CDK16: variants seen among roughly 807,000 people sequenced by gnomAD.
CDK16 encodes cyclin-dependent kinase 16.
Under a neutral mutation model 41.6 loss-of-function variants are expected in CDK16, and 2 were observed. The observed-to-expected ratio is 0.05, with a 90% CI of 0.02 to 0.15. The LOEUF is 0.15. Ranked by LOEUF, CDK16 falls within the 10% of genes least tolerant of loss-of-function variation. The pLI is 1.00. For missense variants in CDK16, 228 were observed against 428.9 expected (o/e 0.53, Z 4.14); for synonymous variants, 169 against 169.7 (o/e 1.00, Z 0.03).
intron 1 of CDK16, 108 bp from the exon 2 acceptor site, chrX:47,223,444 T>C: frequency 1.0e-6 from 1 of 999,988 alleles, no homozygotes; most frequent in East Asian, 3.3e-5. Context: ...GAGTGAGCAC[T>C]GACAAGTTCA....
chrX:47,227,333 T>C, intron 13 of CDK16, 46 bp from the exon 14 acceptor site: 2 of 1,120,551 alleles, frequency 1.8e-6, no homozygotes, highest in Non-Finnish European at 2.4e-6. Context: ...AGAGACCTAC[T>C]TGTTGAAGAT....
chrX:47,218,458 G>A, upstream of CDK16: 3 of 533,495 alleles, frequency 5.6e-6, no homozygotes, highest in Middle Eastern at 5.7e-4. Flanking sequence ...CCGAGTAGGG[G>A]GAACGAGTGG....
At position 47,228,556 on chromosome X, in the gene CDK16, C is replaced by T. The variant is rs1569229863; in HGVS notation, c.1376-11C>T. 8.3e-7 allele frequency: 1 copy of T among 1,202,524 alleles called. No individual in the cohort carries two copies. The highest frequency in any genetic ancestry group is 1.1e-6 in the Non-Finnish European group (1 of 888,444). ...GGTCATCCCCCACTTCTATGTCTCCCCCATCTGTAGCTACTTCCATATTTG... is the reference window on the plus strand; with the variant it reads ...GGTCATCCCCCACTTCTATGTCTCCTCCATCTGTAGCTACTTCCATATTTG... On this transcript the variant is annotated splice_polypyrimidine_tract_variant and intron_variant, in intron 14 of 15. Coordinates refer to ENST00000357227, the MANE Select transcript of CDK16 (RefSeq NM_006201.5).
intron 2 of CDK16, 97 bp downstream of exon 2, chrX:47,223,856 C>A: frequency 1.3e-6 from 1 of 767,747 alleles, no homozygotes; most frequent in Non-Finnish European, 1.9e-6. Context: ...AAATTTTCTG[C>A]CCTTTCTCTG....
In CDK16 at chrX:47,226,653, C is replaced by A; in HGVS notation, c.987C>A (p.Pro329=). The change falls in exon 10 of 16, where the codon CCC becomes CCA. Residue 329 remains proline, a synonymous_variant. Transcript: ENST00000357227. The part of the protein sequence containing the change: ...SNEVVTLWYR[P]PDILLGSTDY... Reference sequence around the variant, plus strand: ...AGGTGGTGACACTGTGGTACCGGCCCCCTGACATCCTGCTTGGGTCCACGG... The same window carrying A: ...AGGTGGTGACACTGTGGTACCGGCCACCTGACATCCTGCTTGGGTCCACGG... 8.3e-7 allele frequency: 1 copy of A among 1,212,085 alleles called. No individual in the cohort carries two copies. The highest frequency in any genetic ancestry group is 1.1e-6 in the Non-Finnish European group (1 of 895,425).
chrX:47,226,860 T>C lies in CDK16; in HGVS notation c.1086T>C (p.Phe362=), dbSNP rs751741842. 2 of 1,211,021 alleles carry C rather than the reference T, an allele frequency of 1.7e-6. No homozygotes were observed. The highest frequency in any genetic ancestry group is 3.0e-5 in the East Asian group (1 of 33,857). ...FYEMATGRPL[F]PGSTVEEQLH... ...AGATGGCCACAGGCCGTCCCCTCTTTCCGGGCTCCACGGTGGAGGAACAGC... is the reference window on the plus strand; with the variant it reads ...AGATGGCCACAGGCCGTCCCCTCTTCCCGGGCTCCACGGTGGAGGAACAGC... The change falls in exon 11 of 16, where the codon TTT becomes TTC. Residue 362 remains phenylalanine (F), a synonymous_variant. Transcript: ENST00000357227.
At chrX:47,220,500 T>C (rs1447209931) in intron 1 of CDK16, among the ~76,000 whole-genome samples, 1 of 109,153 alleles carries the variant, frequency 9.2e-6, no homozygotes, top group Non-Finnish European at 1.9e-5. Context: ...GAGTCAGGGC[T>C]GAATGAGACC....
At chrX:47,218,407 C>A, upstream of CDK16, 1 of 400,730 alleles carries the variant, frequency 2.5e-6, no homozygotes, top group Non-Finnish European at 4.2e-6. Flanking sequence ...TTCCTCCTTG[C>A]AAAAGTCCCG....
chrX:47,227,232 A>G lies in CDK16; in HGVS notation c.1284+9A>G, dbSNP rs1293248974. On this transcript the variant is annotated intron_variant, in intron 13 of 15. Transcript: ENST00000357227. ...TCACCAAGCTGTTGCAGGTGAGACC[A>G]CCTTGGGTCAGCCTTGGGGGTATGG... 3 of 1,198,885 alleles carry G rather than the reference A, an allele frequency of 2.5e-6. No homozygotes were observed. The Admixed American group carries it at 6.6e-5, about 26-fold the overall frequency.
rs1189322811 is a variant in CDK16, at chrX:47,218,784, A to T, written c.-328A>T. Reference sequence around the variant, plus strand: ...CCCTGGGATCCGCCGCCACTCCGCGATCAGACCGCTCTGTGCCGCGAGCCG... The same window carrying T: ...CCCTGGGATCCGCCGCCACTCCGCGTTCAGACCGCTCTGTGCCGCGAGCCG... On this transcript the variant is annotated 5_prime_UTR_variant, in exon 1 of 16. Coordinates refer to ENST00000357227, the MANE Select transcript of CDK16 (RefSeq NM_006201.5). The T allele has an allele frequency of 4.3e-6, 5 of 1,151,615 alleles. No individual in the cohort carries two copies. The highest frequency in any genetic ancestry group is 5.8e-6 in the Non-Finnish European group (5 of 869,358). The allele number at this position is 1,151,615 out of a possible 1,213,427, so 94.9% of individuals were successfully genotyped here.
At chrX:47,225,152 C>A in intron 6 of CDK16, 50 bp downstream of exon 6, 1 of 843,161 alleles carries the variant, frequency 1.2e-6, no homozygotes. Flanking sequence ...CCACCCCTGG[C>A]GCACACACTC....
intron 14 of CDK16, 69 bp downstream of exon 14, chrX:47,227,538 C>T: frequency 2.4e-6 from 2 of 838,959 alleles, no homozygotes; most frequent in Admixed American, 2.4e-5. Context: ...GGCCAGCTGG[C>T]GGGTTGTGTA....
At position 47,218,910 on chromosome X, in the gene CDK16, GCCA is replaced by G. The variant is rs1266913475; in HGVS notation, c.-199_-197del. ...TGAGCGGGACGCCGCCTCCGCCTCA[GCCA>G]CCGCCGCCGCCGCCGCCTCCTCCTC... On this transcript the variant is annotated 5_prime_UTR_variant, in exon 1 of 16. Transcript: ENST00000357227. The G allele has an allele frequency of 6.7e-6, 7 of 1,046,526 alleles. No homozygotes were observed. Among genetic ancestry groups the G allele is most frequent in the Non-Finnish European group, 8.6e-6 (7 of 816,890 alleles). 86.2% of individuals were successfully genotyped at this position (1,046,526 alleles called of 1,213,427 possible). A position where few individuals can be genotyped will look rare whatever the true frequency, so the allele number is the denominator to read the frequency against.
At chrX:47,219,253 GC>G in intron 1 of CDK16, 148 bp downstream of exon 1, 1 of 603,813 alleles carries the variant, frequency 1.7e-6, no homozygotes, top group Non-Finnish European at 2.0e-6. Context: ...GTCATTTGGG[GC>G]CTCCCTGACC....
At chrX:47,228,696 C>T (rs765628929) in intron 15 of CDK16, 35 bp from the exon 16 acceptor site, 11 of 1,206,586 alleles carry the variant, frequency 9.1e-6, no homozygotes, top group Non-Finnish European at 1.2e-5. Flanking sequence ...ACCTGCTTAC[C>T]CACCAACAGC....
upstream of CDK16, chrX:47,218,371 A>G (rs1469389171): frequency 2.8e-6 from 1 of 362,308 alleles, no homozygotes; most frequent in African/African-American, 2.6e-5. Flanking sequence ...TCAAGGGACT[A>G]GAACTGAGTG....
chrX:47,223,780 C>G (rs748530996), intron 2 of CDK16, 21 bp downstream of exon 2: 16 of 1,176,222 alleles, frequency 1.4e-5, no homozygotes, highest in African/African-American at 1.8e-5. Flanking sequence ...TGGCTATCCC[C>G]TCTCCCATAT....
At chrX:47,225,352 TTACTG>T (rs1937521031) in intron 6 of CDK16, among the ~76,000 whole-genome samples, 1 of 112,153 alleles carries the variant, frequency 8.9e-6, no homozygotes, top group East Asian at 2.8e-4. Flanking sequence ...ACCAGTTTAT[TTACTG>T]TAACAATTTC....
At position 47,223,040 on chromosome X, in the gene CDK16, C is replaced by T. The variant is rs1937412873; in HGVS notation, c.-6-512C>T. 4.4e-6 allele frequency: 5 copies of T among 1,142,030 alleles called. No individual in the cohort carries two copies. The East Asian group carries it at 1.3e-4, about 30-fold the overall frequency. The allele number at this position is 1,142,030 out of a possible 1,213,427, so 94.1% of individuals were successfully genotyped here. A position where few individuals can be genotyped will look rare whatever the true frequency, so the allele number is the denominator to read the frequency against. On this transcript the variant is annotated intron_variant, in intron 1 of 15. Transcript: ENST00000357227. ...TGCTAGAGAAGTCAGGAAGAGGGTC[C>T]CTGTGGCCACAGGGAATAGTCTGCC...
Sources: gnomAD v4.1 joint callset for allele counts (sites outside exome capture counted in the v4.1 genomes callset) on GRCh38, gnomAD v4.1.1 for gene constraint, MANE v1.5 for transcripts, NCBI Gene and HGNC (gene_info 2026-07-23, HGNC 2026-07-21) for gene names.